The following SLC7A2 variants were observed in gnomAD, a reference collection of about 807,000 sequenced individuals.
SLC7A2 encodes cationic amino acid transporter 2.
A neutral mutation model predicts 58.9 loss-of-function variants in SLC7A2; 48 were observed. That is an observed-to-expected ratio of 0.82 (90% CI 0.65 to 1.04). The LOEUF is 1.04. Ranked by LOEUF, SLC7A2 falls within the 50% of genes least tolerant of loss-of-function variation. The pLI, the probability that SLC7A2 is intolerant of heterozygous loss-of-function variation, is 0.00. For missense variants in SLC7A2, 1,029 were observed against 818.8 expected (o/e 1.26, Z -3.13); for synonymous variants, 363 against 314.5 (o/e 1.15, Z -1.63).
At chr8:17,500,241 G>A (rs1030584671) in intron 1 of SLC7A2, 2 of 152,190 alleles carry the variant, frequency 1.3e-5, no homozygotes, top group African/African-American at 4.8e-5. Context: ...TAATTTACAT[G>A]CTCTCTCTAA....
At chr8:17,511,344 C>G (rs780908041) in intron 2 of SLC7A2, 5 of 152,072 alleles carry the variant, frequency 3.3e-5, no homozygotes, top group Non-Finnish European at 7.4e-5. Context: ...TTGATGTTTC[C>G]AGCACTTTTA....
At chr8:17,496,283 C>T (rs763549461), upstream of SLC7A2, among the ~76,000 whole-genome samples, 4 of 152,152 alleles carry the variant, frequency 2.6e-5, no homozygotes, top group Non-Finnish European at 5.9e-5. Context: ...GATTGTGTCA[C>T]TGCCCTCCAG....
intron 2 of SLC7A2, among the ~76,000 whole-genome samples, chr8:17,524,455 CA>C (rs1801145344): frequency 1.3e-5 from 2 of 149,764 alleles, no homozygotes; most frequent in East Asian, 2.0e-4. Flanking sequence ...CACACACACA[CA>C]CCATGGAATA....
At chr8:17,542,576 A>G (rs942142626) in intron 2 of SLC7A2, among the ~76,000 whole-genome samples, 3 of 152,012 alleles carry the variant, frequency 2.0e-5, no homozygotes, top group East Asian at 1.9e-4. Context: ...GATTGAGCCC[A>G]GGAAGTTGAG....
In SLC7A2 at chr8:17,544,582, G is replaced by C; in HGVS notation, c.508G>C (p.Val170Leu). The C allele has an allele frequency of 6.2e-7, 1 of 1,613,906 alleles. No individual in the cohort carries two copies. Residue 170 changes from valine (V) to leucine (L), a missense_variant, in exon 4 of 13, where the codon GTG becomes CTG. By Grantham distance (32) the Val-to-Leu change is conservative. Coordinates refer to ENST00000494857, the MANE Select transcript of SLC7A2 (RefSeq NM_001370338.1). ...TGCAGAATATCCCGATTTTTTTGCTGTGTGCCTTATATTACTTCTAGCAGG... is the reference window on the plus strand; with the variant it reads ...TGCAGAATATCCCGATTTTTTTGCTCTGTGCCTTATATTACTTCTAGCAGG... ...GLAEYPDFFA[V>L]CLILLLAGLL... is the part of the protein sequence containing the mutation.
Position 17,503,318 on chromosome 8 carries a change from G to A in SLC7A2, c.-23+1016G>A, listed in dbSNP as rs541021759. 7.0e-3 allele frequency among the ~76,000 whole-genome samples: 1,065 copies of A among 152,162 alleles called. 6 individuals carry two copies. Among genetic ancestry groups the A allele is most frequent in the Non-Finnish European group, 0.012 (813 of 68,000 alleles). ...GCCCGCCTCGGCCTCCCAAAGTGCT[G>A]GGATTACAGGTGTGAGCCACCGCGC... On this transcript the variant is annotated intron_variant, in intron 2 of 12. Coordinates refer to ENST00000494857, the MANE Select transcript of SLC7A2 (RefSeq NM_001370338.1).
intron 10 of SLC7A2, among the ~76,000 whole-genome samples, chr8:17,560,809 C>T (rs1272663383): frequency 6.6e-6 from 1 of 152,120 alleles, no homozygotes; most frequent in Non-Finnish European, 1.5e-5. Flanking sequence ...GGTTAGGATG[C>T]CCTCTGGGTG....
At chr8:17,515,523 T>C (rs1327287090) in intron 2 of SLC7A2, among the ~76,000 whole-genome samples, 1 of 152,140 alleles carries the variant, frequency 6.6e-6, no homozygotes, top group African/African-American at 2.4e-5. Context: ...TTTGATCTCC[T>C]GACCTCGTGA....
At chr8:17,507,033 C>T (rs911497654) in intron 2 of SLC7A2, among the ~76,000 whole-genome samples, 1 of 151,890 alleles carries the variant, frequency 6.6e-6, no homozygotes, top group Non-Finnish European at 1.5e-5. Flanking sequence ...CAACCTCCAC[C>T]TCCCAGGTTC....
chr8:17,517,353 A>G (rs970816600), intron 2 of SLC7A2, among the ~76,000 whole-genome samples: 4 of 152,226 alleles, frequency 2.6e-5, no homozygotes, highest in African/African-American at 9.6e-5. Flanking sequence ...TGTGTTTTGA[A>G]TTCAAGAATA....
rs1318394071 is a variant in SLC7A2 at position 17,558,400 on chromosome 8, G to A, written c.1298+3G>A. On this transcript the variant is annotated splice_donor_region_variant and intron_variant, in intron 9 of 12. Transcript: ENST00000494857. ...GCAGCCTGTGTTCTCATCCTCAGGT[G>A]AGTCACCTGGTGGTTCTACAGGGTG... 1 of 1,594,236 alleles carries A rather than the reference G, an allele frequency of 6.3e-7. No individual in the cohort carries two copies. Among genetic ancestry groups the A allele is most frequent in the Non-Finnish European group, 8.6e-7 (1 of 1,162,896 alleles).
chr8:17,538,178 C>G (rs1346349333), intron 2 of SLC7A2, among the ~76,000 whole-genome samples: 1 of 152,158 alleles, frequency 6.6e-6, no homozygotes, highest in Non-Finnish European at 1.5e-5. Flanking sequence ...CCTGGCAGTA[C>G]TGATTTGGTA....
chr8:17,539,821 TG>T (rs1347040094), intron 2 of SLC7A2, among the ~76,000 whole-genome samples: 28 of 152,294 alleles, frequency 1.8e-4, no homozygotes, highest in Non-Finnish European at 4.0e-4. Context: ...CCAAAACCCC[TG>T]CATTGTATCT....
chr8:17,523,475 C>T (rs780978379), intron 2 of SLC7A2, among the ~76,000 whole-genome samples: 2 of 152,096 alleles, frequency 1.3e-5, no homozygotes. Context: ...TTACAGCCAA[C>T]TAATCTTCAA....
intron 11 of SLC7A2, among the ~76,000 whole-genome samples, chr8:17,563,224 T>G (rs549138904): frequency 6.6e-6 from 1 of 152,326 alleles, no homozygotes; most frequent in Non-Finnish European, 1.5e-5. Context: ...CCATTTGAGC[T>G]AACCGTATAC....
At position 17,550,399 on chromosome 8, in the gene SLC7A2, A is replaced by C. The variant is rs756685164; in HGVS notation, c.797A>C (p.Tyr266Ser). The C allele has an allele frequency of 1.2e-6, 2 of 1,613,918 alleles. No homozygotes were observed. The highest frequency in any genetic ancestry group is 1.7e-6 in the Non-Finnish European group (2 of 1,179,922). ...GTLAGAATCF[Y>S]AFVGFDCIAT... ...TTGGCTGGTGCTGCAACTTGCTTTTATGCCTTTGTGGGATTTGACTGCATT... is the reference window on the plus strand; with the variant it reads ...TTGGCTGGTGCTGCAACTTGCTTTTCTGCCTTTGTGGGATTTGACTGCATT... Residue 266 changes from tyrosine (Y) to serine (S), a missense_variant, in exon 6 of 13, where the codon TAT becomes TCT. Transcript: ENST00000494857.
chr8:17,512,462 G>A (rs1585190713), intron 2 of SLC7A2, among the ~76,000 whole-genome samples: 4 of 152,106 alleles, frequency 2.6e-5, no homozygotes, highest in Admixed American at 2.0e-4. Flanking sequence ...CAGGAGAATC[G>A]CTTGAACCAG....
At chr8:17,536,557 G>A (rs1047064606) in intron 2 of SLC7A2, among the ~76,000 whole-genome samples, 2 of 152,068 alleles carry the variant, frequency 1.3e-5, no homozygotes, top group Admixed American at 1.3e-4. Context: ...ACAAACAAAC[G>A]AACAAACAAT....
chr8:17,496,313 C>T (rs1401198693), upstream of SLC7A2, among the ~76,000 whole-genome samples: 2 of 152,112 alleles, frequency 1.3e-5, no homozygotes, highest in African/African-American at 2.4e-5. Flanking sequence ...CAGAGTGAGA[C>T]CCTGTCTCTA....
Sources: gnomAD v4.1 joint callset for allele counts (sites outside exome capture counted in the v4.1 genomes callset) on GRCh38, gnomAD v4.1.1 for gene constraint, MANE v1.5 for transcripts, NCBI Gene and HGNC (gene_info 2026-07-23, HGNC 2026-07-21) for gene names.